GGACT: variants seen among roughly 807,000 people sequenced by gnomAD.
GGACT encodes the protein gamma-glutamylaminecyclotransferase.
For missense variants in GGACT, 241 were observed against 233.2 expected (o/e 1.03, Z -0.22); for synonymous variants, 118 against 115.3 (o/e 1.02, Z -0.15).
intron 2 of GGACT, among the ~76,000 whole-genome samples, chr13:100,572,917 G>C (rs1033273619): frequency 6.6e-6 from 1 of 152,128 alleles, no homozygotes; most frequent in African/African-American, 2.4e-5. Context: ...TTAGGATACA[G>C]CTGCTAAAGG....
intron 2 of GGACT, among the ~76,000 whole-genome samples, chr13:100,544,172 C>A (rs1204442696): frequency 6.6e-6 from 1 of 152,236 alleles, no homozygotes; most frequent in African/African-American, 2.4e-5. Flanking sequence ...CTCCCTCCCC[C>A]ACTGTAACAT....
intron 2 of GGACT, among the ~76,000 whole-genome samples, chr13:100,563,261 C>T (rs1009319592): frequency 6.6e-6 from 1 of 152,116 alleles, no homozygotes; most frequent in Non-Finnish European, 1.5e-5. Context: ...ATCCAGAACA[C>T]CCAGCACGGG....
chr13:100,559,712 C>T (rs2088742345), intron 2 of GGACT, among the ~76,000 whole-genome samples: 2 of 152,128 alleles, frequency 1.3e-5, no homozygotes, highest in Non-Finnish European at 2.9e-5. Context: ...CCAGGCTGGT[C>T]TCCAACTCCT....
chr13:100,543,568 A>C (rs2088574951), intron 2 of GGACT, among the ~76,000 whole-genome samples: 1 of 152,246 alleles, frequency 6.6e-6, no homozygotes. Flanking sequence ...ATTCATCTTT[A>C]TATGAAAATT....
At chr13:100,541,169 G>A (rs1402616543) in intron 2 of GGACT, among the ~76,000 whole-genome samples, 1 of 152,138 alleles carries the variant, frequency 6.6e-6, no homozygotes, top group African/African-American at 2.4e-5. Flanking sequence ...TGAAGTAATT[G>A]CCCCCAAGTC....
chr13:100,588,495 C>A (rs1055735474), intron 1 of GGACT: 3 of 152,198 alleles, frequency 2.0e-5, no homozygotes, highest in African/African-American at 7.2e-5. Flanking sequence ...GGCAATCGCG[C>A]CCGTGGCCCC....
Position 100,545,824 on chromosome 13 carries a change from C to T in GGACT, c.-10-13223G>A, listed in dbSNP as rs973398061. Among the ~76,000 whole-genome samples the T allele has an allele frequency of 6.6e-6, 1 of 152,162 alleles. No individual in the cohort carries two copies. The highest frequency in any genetic ancestry group is 2.4e-5 in the African/African-American group (1 of 41,432). On this transcript the variant is annotated intron_variant, in intron 2 of 2. Transcript: ENST00000683975. The surrounding 1 kb of genome is among the most constrained non-coding windows in gnomAD (Gnocchi z 4.4). ...CCATTGCAAGCAGAACCTGTTCCCC[C>T]TACAGAAGGAAGTAAGGGTTCGGAG...
At chr13:100,538,912 C>T (rs2088523497) in intron 2 of GGACT, 1 of 152,184 alleles carries the variant, frequency 6.6e-6, no homozygotes, top group Non-Finnish European at 1.5e-5. Context: ...ATGTGTTGTA[C>T]TTTTCAGTGT....
chr13:100,569,029 G>A (rs536222885), intron 2 of GGACT, among the ~76,000 whole-genome samples: 9 of 152,352 alleles, frequency 5.9e-5, no homozygotes, highest in Non-Finnish European at 1.0e-4. Flanking sequence ...GGGCAGCTCC[G>A]CCCCTATGGC....
chr13:100,586,265 C>A (rs1875570955), intron 1 of GGACT, among the ~76,000 whole-genome samples: 1 of 151,536 alleles, frequency 6.6e-6, no homozygotes, highest in Non-Finnish European at 1.5e-5. Flanking sequence ...CTGCTTCAGC[C>A]ACAACCAAAA....
At chr13:100,565,357 G>A (rs965840918) in intron 2 of GGACT, among the ~76,000 whole-genome samples, 3 of 152,268 alleles carry the variant, frequency 2.0e-5, no homozygotes, top group South Asian at 2.1e-4. Flanking sequence ...ACCTGACAAC[G>A]TTAACAGCTT....
intron 2 of GGACT, among the ~76,000 whole-genome samples, chr13:100,558,026 C>T (rs1369957854): frequency 6.6e-6 from 1 of 151,864 alleles, no homozygotes; most frequent in Non-Finnish European, 1.5e-5. Flanking sequence ...ACTAGAAATA[C>T]AAAATTAGCC....
chr13:100,536,078 C>T (rs1446455207), intron 2 of GGACT: 1 of 152,208 alleles, frequency 6.6e-6, no homozygotes, highest in Non-Finnish European at 1.5e-5. Context: ...TCCCTCAGAA[C>T]TTTAAAGACA....
chr13:100,577,658 T>C (rs1038931493), intron 2 of GGACT, among the ~76,000 whole-genome samples: 10 of 152,024 alleles, frequency 6.6e-5, no homozygotes, highest in Non-Finnish European at 5.9e-5. Context: ...GGAGGGCACG[T>C]GGAACAAGCA....
Position 100,551,208 on chromosome 13 carries a change from C to T in GGACT, c.-10-18607G>A, listed in dbSNP as rs183526380. On this transcript the variant is annotated intron_variant, in intron 2 of 2. Coordinates refer to ENST00000683975, the MANE Select transcript of GGACT (RefSeq NM_001195087.2). ...CTGAGGCAGGAGAATGGCATGAATC[C>T]GGGAGGTGGAGCTTGCAGTGAGCCG... Among the ~76,000 whole-genome samples, 200 of 151,858 alleles carry T rather than the reference C, an allele frequency of 1.3e-3. 1 individual carries two copies. In the East Asian group the frequency reaches 0.021, roughly 16 times the overall value.
At position 100,544,399 on chromosome 13, in the gene GGACT, T is replaced by C. The variant is rs117261661; in HGVS notation, c.-10-11798A>G. Reference sequence around the variant, plus strand: ...GCTCGGGCCGCATCCTGTTGGCTCTTTGATGCTTTCGTTTTGTCGCTTGCT... The same window carrying C: ...GCTCGGGCCGCATCCTGTTGGCTCTCTGATGCTTTCGTTTTGTCGCTTGCT... On this transcript the variant is annotated intron_variant, in intron 2 of 2. Coordinates refer to ENST00000683975, the MANE Select transcript of GGACT (RefSeq NM_001195087.2). Among the ~76,000 whole-genome samples the C allele has an allele frequency of 5.5e-3, 844 of 152,386 alleles. 2 individuals are homozygous for C. The highest frequency in any genetic ancestry group is 9.6e-3 in the Non-Finnish European group (656 of 68,040).
chr13:100,572,147 T>G (rs2153016318), intron 2 of GGACT, among the ~76,000 whole-genome samples: 1 of 152,300 alleles, frequency 6.6e-6, no homozygotes, highest in South Asian at 2.1e-4. Context: ...AAGTGTCCAC[T>G]GACAGAGGAA....
At chr13:100,567,924 C>T (rs1290493405) in intron 2 of GGACT, among the ~76,000 whole-genome samples, 1 of 152,200 alleles carries the variant, frequency 6.6e-6, no homozygotes, top group Non-Finnish European at 1.5e-5. Flanking sequence ...CACCATCTTC[C>T]CTCACAAGAC....
At chr13:100,548,386 C>T (rs2088628047) in intron 2 of GGACT, among the ~76,000 whole-genome samples, 1 of 152,176 alleles carries the variant, frequency 6.6e-6, no homozygotes, top group African/African-American at 2.4e-5. Context: ...GAGAATCCAA[C>T]TTTAAGTTAG....
Sources: allele counts gnomAD v4.1 joint callset (sites outside exome capture counted in the v4.1 genomes callset), GRCh38; gene constraint gnomAD v4.1.1; non-coding constraint Gnocchi (gnomAD v3.1); transcripts MANE v1.5; gene names NCBI Gene and HGNC (gene_info 2026-07-23, HGNC 2026-07-21).